HDHD5: variants seen among roughly 807,000 people sequenced by gnomAD.
The protein encoded by HDHD5 is haloacid dehalogenase like hydrolase domain containing 5, also known as haloacid dehalogenase-like hydrolase domain-containing 5.
In HDHD5, 34 loss-of-function variants were observed where a neutral mutation model predicts 35.5. That is an observed-to-expected ratio of 0.96 (90% confidence interval 0.73 to 1.28). The LOEUF is 1.28. HDHD5 is among the 50% of genes most tolerant of loss of function. HDHD5 has a pLI of 0.00. For missense variants in HDHD5, 589 were observed against 560.2 expected, an observed-to-expected ratio of 1.05 and a Z score of -0.52; for synonymous variants, 248 against 240.6, an observed-to-expected ratio of 1.03 and a Z score of -0.29.
At chr22:17,161,227 C>T (rs36083406), upstream of HDHD5, among the ~76,000 whole-genome samples, 20,819 of 127,170 alleles carry the variant, frequency 0.16, 1,639 homozygotes, top group Middle Eastern at 0.28. Context: ...GCCTGGGCAA[C>T]AGAGTGAGAC....
At chr22:17,161,936 G>A (rs2061866131), upstream of HDHD5, among the ~76,000 whole-genome samples, 2 of 151,948 alleles carry the variant, frequency 1.3e-5, no homozygotes, top group South Asian at 4.1e-4. Flanking sequence ...CATTGAGTGT[G>A]GGCTGGACTT....
In HDHD5 at chr22:17,138,312, C is replaced by T. The variant is rs774005396; in HGVS notation, c.981G>A (p.Gln327=). 1 of 1,614,170 alleles carries T rather than the reference C, an allele frequency of 6.2e-7. No individual in the cohort carries two copies. The highest frequency in any genetic ancestry group is 1.1e-5 in the South Asian group (1 of 91,074). Residue 327 remains glutamine (Q), a synonymous_variant, in exon 8 of 8, where the codon CAG becomes CAA. Coordinates refer to ENST00000336737, the MANE Select transcript of HDHD5 (RefSeq NM_033070.3). ...SDVYGANLFH[Q]YLQKATHDGA... ...CATCATGCGTTGCCTTCTGCAGGTA[C>T]TGGTGGAACAGGTTGGCGCCGTATA...
Position 17,141,107 on chromosome 22 carries a change from A to T in HDHD5, c.698T>A (p.Leu233Gln). 1 of 1,594,112 alleles carries T rather than the reference A, an allele frequency of 6.3e-7. No individual in the cohort carries two copies. The highest frequency in any genetic ancestry group is 8.5e-7 in the Non-Finnish European group (1 of 1,171,718). Reference protein sequence around the residue: ...ATPPYPHLPVLASNMDLLWMA... With the variant: ...ATPPYPHLPVQASNMDLLWMA... ...CCACAGGAGATCCATGTTGCTGGCT[A>T]GGACGGGGAGGTGGGGGTAGGGGGG... The change falls in exon 6 of 8, where the codon CTA (leucine) becomes CAA (glutamine). Residue 233 changes from leucine (L) to glutamine (Q), a missense_variant. Coordinates refer to ENST00000336737, the MANE Select transcript of HDHD5 (RefSeq NM_033070.3).
Position 17,151,622 on chromosome 22 carries a change from C to T in HDHD5, c.127-1877G>A, listed in dbSNP as rs887982310. ...GTGGGCGCCTGTCATCCCAGCTACTCGGGAGGCTGAGGCAGGAGAATCACT... is the reference window on the plus strand; with the variant it reads ...GTGGGCGCCTGTCATCCCAGCTACTTGGGAGGCTGAGGCAGGAGAATCACT... On this transcript the variant is annotated intron_variant, in intron 1 of 7. Coordinates refer to ENST00000336737, the MANE Select transcript of HDHD5 (RefSeq NM_033070.3). Among the ~76,000 whole-genome samples the T allele has an allele frequency of 1.6e-4, 25 of 151,570 alleles. 1 individual carries two copies. Among genetic ancestry groups the T allele is most frequent in the African/African-American group, 5.1e-4 (21 of 41,226 alleles).
rs751702424 is a variant in HDHD5, at chr22:17,137,976, C to T, written c.*45G>A. On this transcript the variant is annotated 3_prime_UTR_variant, in exon 8 of 8. Transcript: ENST00000336737. Reference sequence around the variant, plus strand: ...AGGCCAGAGCCCAGCCAATGGGACTCGCCCACAGGTCCAGGCTCACCCCCT... The same window carrying T: ...AGGCCAGAGCCCAGCCAATGGGACTTGCCCACAGGTCCAGGCTCACCCCCT... The T allele has an allele frequency of 4.0e-5, 60 of 1,515,726 alleles. 1 individual carries two copies. The South Asian group carries it at 6.4e-4, about 16-fold the overall frequency. The allele number at this position is 1,515,726 out of a possible 1,614,324, so 93.9% of individuals were successfully genotyped here.
At chr22:17,150,219 C>T (rs1420864238) in intron 1 of HDHD5, among the ~76,000 whole-genome samples, 2 of 152,094 alleles carry the variant, frequency 1.3e-5, no homozygotes, top group African/African-American at 4.8e-5. Context: ...TACATCATCT[C>T]GTTCTTTTTT....
In HDHD5 at chr22:17,145,041, G is replaced by C; in HGVS notation, c.520C>G (p.Arg174Gly). 1 of 1,613,830 alleles carries C rather than the reference G, an allele frequency of 6.2e-7. No individual in the cohort carries two copies. ...CTTATTACCGTGGTCTTTAGCCGCC[G>C]CTCCAGGTCCACCATGTCAAGCAGA... is the stretch of plus-strand genomic sequence containing the variant. ...FPLLDMVDLE[R>G]RLKTTPLPRN... The change falls in exon 4 of 8, where the codon CGG (arginine) becomes GGG (glycine). Residue 174 changes from arginine to glycine, a missense_variant. Arg to Gly is a moderately radical substitution (Grantham distance 125). Coordinates refer to ENST00000336737, the MANE Select transcript of HDHD5 (RefSeq NM_033070.3).
upstream of HDHD5, among the ~76,000 whole-genome samples, chr22:17,161,854 C>T (rs1465437417): frequency 1.4e-5 from 2 of 141,896 alleles, no homozygotes; most frequent in East Asian, 4.1e-4. Context: ...GCCTGAGCAA[C>T]AGAGTGAGAC....
intron 4 of HDHD5, 151 bp from the exon 5 acceptor site, chr22:17,143,282 G>A: frequency 1.4e-6 from 1 of 726,746 alleles, no homozygotes; most frequent in Non-Finnish European, 2.1e-6. Context: ...GAAAGCTGGA[G>A]AGGACTGAGA....
intron 5 of HDHD5, 119 bp from the exon 6 acceptor site, chr22:17,141,352 C>T (rs2061599728): frequency 1.4e-6 from 2 of 1,434,600 alleles, no homozygotes; most frequent in Non-Finnish European, 9.1e-7. Flanking sequence ...CCCAGCTGGG[C>T]AGGGGCACAG....
rs77921422 is a variant in HDHD5, at chr22:17,157,595, G to C, written c.126+1531C>G. ...TGGAGACATTTCGGGACTCTGCAGA[G>C]ATGCTAGAGCCAATACAACAGTTAT... On this transcript the variant is annotated intron_variant, in intron 1 of 7. Transcript: ENST00000336737. Among the ~76,000 whole-genome samples the C allele has an allele frequency of 0.011, 1,678 of 152,282 alleles. 102 individuals carry two copies. The South Asian group carries it at 0.13, about 12-fold the overall frequency.
In HDHD5 at chr22:17,141,106, T is replaced by C. The variant is rs2061595039; in HGVS notation, c.699A>G (p.Leu233=). Residue 233 remains leucine, a synonymous_variant, in exon 6 of 8, where the codon CTA becomes CTG. Coordinates refer to ENST00000336737, the MANE Select transcript of HDHD5 (RefSeq NM_033070.3). The part of the protein sequence containing the change: ...ATPPYPHLPV[L]ASNMDLLWMA... ...TCCACAGGAGATCCATGTTGCTGGC[T>C]AGGACGGGGAGGTGGGGGTAGGGGG... is the stretch of plus-strand genomic sequence containing the variant. 2 of 1,594,306 alleles carry C rather than the reference T, an allele frequency of 1.3e-6. No homozygotes were observed. The highest frequency in any genetic ancestry group is 2.7e-5 in the African/African-American group (2 of 73,384).
At chr22:17,138,921 C>T (rs2061567640) in intron 6 of HDHD5, among the ~76,000 whole-genome samples, 183 bp from the exon 7 acceptor site, 1 of 152,160 alleles carries the variant, frequency 6.6e-6, no homozygotes, top group African/African-American at 2.4e-5. Flanking sequence ...CTCAGAAAAA[C>T]TCTATGAGAT....
chr22:17,145,514 G>A lies in HDHD5; in HGVS notation c.444-397C>T, dbSNP rs964256361. On this transcript the variant is annotated intron_variant, in intron 3 of 7. Transcript: ENST00000336737. ...AGCCCAGGAGTTCCAGCCAGCATGG[G>A]CAACATAGTGAGACCTTGTCTCTAC... is the stretch of plus-strand genomic sequence containing the variant. Among the ~76,000 whole-genome samples the A allele has an allele frequency of 2.0e-5, 3 of 152,158 alleles. No homozygotes were observed. In the South Asian group the frequency reaches 6.2e-4, roughly 32 times the overall value.
chr22:17,145,786 G>A (rs770749171), intron 3 of HDHD5, among the ~76,000 whole-genome samples: 58 of 152,226 alleles, frequency 3.8e-4, no homozygotes, highest in Non-Finnish European at 6.5e-4. Context: ...AGTCAGTGCT[G>A]AGTTCAGAAG....
chr22:17,151,468 G>A lies in HDHD5; in HGVS notation c.127-1723C>T, dbSNP rs140998475. On this transcript the variant is annotated intron_variant, in intron 1 of 7. Transcript: ENST00000336737. Reference sequence around the variant, plus strand: ...CTACAGGCCAGGTGTGGTGGCTCACGCCTGTAATCCCAGCACTTTGGGAGG... The same window carrying A: ...CTACAGGCCAGGTGTGGTGGCTCACACCTGTAATCCCAGCACTTTGGGAGG... Among the ~76,000 whole-genome samples the A allele has an allele frequency of 6.5e-3, 994 of 152,256 alleles. 3 individuals carry two copies. The highest frequency in any genetic ancestry group is 0.011 in the Non-Finnish European group (747 of 68,022).
intron 3 of HDHD5, 103 bp downstream of exon 3, chr22:17,148,345 C>T: frequency 1.1e-6 from 1 of 927,888 alleles, no homozygotes; most frequent in Non-Finnish European, 1.7e-6. Context: ...CGCCTGTGTA[C>T]CCCAGCACCC....
intron 5 of HDHD5, 131 bp downstream of exon 5, chr22:17,142,967 A>G: frequency 1.2e-6 from 1 of 850,938 alleles, no homozygotes. Flanking sequence ...TCCAGACCAG[A>G]GCCCAGGTGT....
At chr22:17,149,503 C>G in intron 2 of HDHD5, 39 bp downstream of exon 2, 1 of 1,596,314 alleles carries the variant, frequency 6.3e-7, no homozygotes, top group Non-Finnish European at 8.6e-7. Context: ...CATTAGGAAC[C>G]AGGTCCTTGG....
Sources: gnomAD v4.1 joint callset for allele counts (sites outside exome capture counted in the v4.1 genomes callset) on GRCh38, gnomAD v4.1.1 for gene constraint, MANE v1.5 for transcripts, NCBI Gene and HGNC (gene_info 2026-07-23, HGNC 2026-07-21) for gene names.